Variants in PADI6 observed in about 807,000 individuals in gnomAD.
PADI6 encodes the protein peptidyl arginine deiminase 6, also known as inactive protein-arginine deiminase type-6.
In PADI6, 66 loss-of-function variants were observed where a neutral mutation model predicts 78.2. That is an observed-to-expected ratio of 0.84 (90% CI 0.69 to 1.04). The LOEUF (loss-of-function observed/expected upper bound fraction) is 1.04. Among genes scored for constraint, PADI6 ranks in the 50% least tolerant of loss-of-function variants. The pLI is 0.00. For missense variants in PADI6, 854 were observed against 866.1 expected (o/e 0.99, Z 0.18); for synonymous variants, 397 against 346.9 (o/e 1.14, Z -1.60).
chr1:17,385,083 G>A (rs775063150), intron 6 of PADI6, among the ~76,000 whole-genome samples: 7 of 152,168 alleles, frequency 4.6e-5, no homozygotes, highest in Non-Finnish European at 8.8e-5. Context: ...AAACAGGCTG[G>A]GCGTGGTGGC....
At chr1:17,381,025 A>G (rs1338204295) in intron 4 of PADI6, 22 bp from the exon 5 acceptor site, 3 of 1,563,078 alleles carry the variant, frequency 1.9e-6, no homozygotes, top group African/African-American at 1.4e-5. Flanking sequence ...TTCCTGAGCC[A>G]ATGTTCCCAT....
intron 3 of PADI6, among the ~76,000 whole-genome samples, chr1:17,378,693 C>T (rs1184211042): frequency 6.6e-6 from 1 of 151,958 alleles, no homozygotes; most frequent in African/African-American, 2.4e-5. Context: ...CAATCTCCAC[C>T]TCCTGGGTTC....
intron 2 of PADI6, 145 bp from the exon 3 acceptor site, chr1:17,375,282 G>A (rs1216354430): frequency 9.8e-6 from 7 of 710,952 alleles, no homozygotes; most frequent in Non-Finnish European, 1.4e-5. Context: ...CAGGGCTGTG[G>A]CCCCATACCA....
rs1557603752 is a variant in PADI6, at chr1:17,388,764, T to C, written c.859-13T>C. 6.2e-7 allele frequency: 1 copy of C among 1,609,478 alleles called. No homozygotes were observed. The highest frequency in any genetic ancestry group is 2.2e-5 in the East Asian group (1 of 44,860). On this transcript the variant is annotated splice_polypyrimidine_tract_variant and intron_variant, in intron 7 of 15. Transcript: ENST00000619609. ...TGGAAGCAGGTTGCTAACAGGACCT[T>C]GTCTTGTTGCAGTCAATTCCAGAGA...
In PADI6 at chr1:17,388,773, G is replaced by A; in HGVS notation, c.859-4G>A. Reference sequence around the variant, plus strand: ...GTTGCTAACAGGACCTTGTCTTGTTGCAGTCAATTCCAGAGACTGTGCTGT... The same window carrying A: ...GTTGCTAACAGGACCTTGTCTTGTTACAGTCAATTCCAGAGACTGTGCTGT... On this transcript the variant is annotated splice_polypyrimidine_tract_variant and splice_region_variant and intron_variant, in intron 7 of 15. Coordinates refer to ENST00000619609, the MANE Select transcript of PADI6 (RefSeq NM_207421.4). 1 of 1,612,204 alleles carries A rather than the reference G, an allele frequency of 6.2e-7. No individual in the cohort carries two copies. The highest frequency in any genetic ancestry group is 8.5e-7 in the Non-Finnish European group (1 of 1,179,040).
intron 3 of PADI6, among the ~76,000 whole-genome samples, chr1:17,377,621 C>T (rs929215938): frequency 3.9e-5 from 6 of 152,230 alleles, no homozygotes; most frequent in African/African-American, 1.4e-4. Context: ...GGCGGTAGCT[C>T]CATCCTTCTA....
At chr1:17,398,974 G>T in intron 15 of PADI6, 127 bp downstream of exon 15, 2 of 1,078,438 alleles carry the variant, frequency 1.9e-6, no homozygotes, top group African/African-American at 3.2e-5. Context: ...AAATGGGAGG[G>T]AGACCCCTTC....
chr1:17,378,947 AT>A (rs869119547), intron 3 of PADI6, among the ~76,000 whole-genome samples: 79 of 115,656 alleles, frequency 6.8e-4, no homozygotes, highest in African/African-American at 2.5e-3. Flanking sequence ...CATGTATTGA[AT>A]TTTTTTTGGG....
chr1:17,397,613 A>G (rs1306636089), intron 14 of PADI6, among the ~76,000 whole-genome samples: 1 of 152,204 alleles, frequency 6.6e-6, no homozygotes, highest in Non-Finnish European at 1.5e-5. Flanking sequence ...CCTAGCTGAG[A>G]GCCAATGATG....
chr1:17,379,448 G>A (rs573539266), intron 3 of PADI6, among the ~76,000 whole-genome samples: 7 of 152,142 alleles, frequency 4.6e-5, no homozygotes, highest in African/African-American at 9.6e-5. Flanking sequence ...GTAGAGATGC[G>A]ATTTCACCAT....
At chr1:17,389,027 CCAAG>C in intron 8 of PADI6, 147 bp downstream of exon 8, 1 of 632,220 alleles carries the variant, frequency 1.6e-6, no homozygotes, top group Admixed American at 2.9e-5. Flanking sequence ...TGGACCTGCC[CCAAG>C]ACAGTCCAAT....
intron 3 of PADI6, among the ~76,000 whole-genome samples, chr1:17,376,866 TTTGTTTTGTTTTGTTTTGTC>T (rs2075024062): frequency 6.8e-6 from 1 of 146,116 alleles, no homozygotes; most frequent in Non-Finnish European, 1.5e-5. Flanking sequence ...CTTTTGTGTT[TTTGTTTTGTTTTGTTTTGTC>T]TTGTTTTTTG....
At position 17,372,271 on chromosome 1, in the gene PADI6, T is replaced by C; in HGVS notation, c.26T>C (p.Met9Thr). 1 of 1,613,950 alleles carries C rather than the reference T, an allele frequency of 6.2e-7. No individual in the cohort carries two copies. The highest frequency in any genetic ancestry group is 1.1e-5 in the South Asian group (1 of 91,090). Residue 9 changes from methionine (M) to threonine (T), a missense_variant, in exon 1 of 16, where the codon ATG becomes ACG. Coordinates refer to ENST00000619609, the MANE Select transcript of PADI6 (RefSeq NM_207421.4). ...ATGGTCAGCGTGGAGGGCCGAGCCA[T>C]GTCCTTCCAGAGTATCATCCACCTG... The part of the protein sequence containing the change: MVSVEGRA[M>T]SFQSIIHLSL...
chr1:17,394,230 T>C, intron 10 of PADI6, 70 bp from the exon 11 acceptor site: 1 of 1,585,792 alleles, frequency 6.3e-7, no homozygotes, highest in Non-Finnish European at 8.6e-7. Flanking sequence ...GAGCCTGGAT[T>C]TAGGGATAAG....
intron 8 of PADI6, among the ~76,000 whole-genome samples, chr1:17,389,274 C>T (rs947086883): frequency 5.3e-5 from 8 of 152,268 alleles, no homozygotes; most frequent in Middle Eastern, 3.4e-3. Flanking sequence ...GAGCAGAGCC[C>T]TGTGGGCCCT....
intron 6 of PADI6, among the ~76,000 whole-genome samples, chr1:17,384,381 CA>C: frequency 6.6e-6 from 1 of 152,064 alleles, no homozygotes; most frequent in South Asian, 2.1e-4. Flanking sequence ...CTTACTTGGG[CA>C]CAGGAGTTCA....
At chr1:17,373,698 G>C (rs1440454647) in intron 2 of PADI6, among the ~76,000 whole-genome samples, 1 of 152,000 alleles carries the variant, frequency 6.6e-6, no homozygotes, top group Non-Finnish European at 1.5e-5. Context: ...CACTATGTTG[G>C]CCAGGCTGGT....
At position 17,388,534 on chromosome 1, in the gene PADI6, C is replaced by T. The variant is rs761001178; in HGVS notation, c.833C>T (p.Ser278Phe). Residue 278 changes from serine (S) to phenylalanine (F), a missense_variant, in exon 7 of 16, where the codon TCC (serine) becomes TTC (phenylalanine). Coordinates refer to ENST00000619609, the MANE Select transcript of PADI6 (RefSeq NM_207421.4). ...TCAGGCCTCATCTCCTACTCTGTGT[C>T]CCTGGTGGAGGAGTCTCAAGACCCG... Reference protein sequence around the residue: ...EFSGLISYSVSLVEESQDPSI... With the variant: ...EFSGLISYSVFLVEESQDPSI... 1.6e-5 allele frequency: 26 copies of T among 1,612,786 alleles called. No individual in the cohort carries two copies. The highest frequency in any genetic ancestry group is 2.1e-5 in the Non-Finnish European group (25 of 1,178,958).
chr1:17,380,670 TAA>T (rs11309669), intron 4 of PADI6, among the ~76,000 whole-genome samples: 1 of 148,218 alleles, frequency 6.7e-6, no homozygotes, highest in Non-Finnish European at 1.5e-5. Flanking sequence ...TCTAGCTCAC[TAA>T]AAAAAAAACC....
Sources: allele counts gnomAD v4.1 joint callset (sites outside exome capture counted in the v4.1 genomes callset), GRCh38; gene constraint gnomAD v4.1.1; transcripts MANE v1.5; gene names NCBI Gene and HGNC (gene_info 2026-07-23, HGNC 2026-07-21).